Variants in AOAH observed in about 807,000 individuals in gnomAD.
AOAH encodes the protein acyloxyacyl hydrolase, also known as acyloxyacyl hydrolase (neutrophil).
AOAH carries 64 observed loss-of-function variants against 92.2 expected under a neutral mutation model. That is an observed-to-expected ratio of 0.69 (90% confidence interval 0.57 to 0.86). The LOEUF (loss-of-function observed/expected upper bound fraction) is 0.86. Ranked by LOEUF, AOAH falls within the 40% of genes least tolerant of loss-of-function variation. The pLI, the probability that AOAH is intolerant of heterozygous loss-of-function variation, is 0.00. For synonymous variants in AOAH, 263 were observed against 254.5 expected, an observed-to-expected ratio of 1.03 and a Z score of -0.32; for missense variants, 656 against 694.6, an observed-to-expected ratio of 0.94 and a Z score of 0.62.
At chr7:36,691,922 G>A (rs1044894412) in intron 1 of AOAH, among the ~76,000 whole-genome samples, 6 of 152,100 alleles carry the variant, frequency 3.9e-5, no homozygotes, top group East Asian at 1.9e-4. Context: ...GCCCCATGAC[G>A]GAAAACCGAG....
chr7:36,548,818 T>G, intron 14 of AOAH, 132 bp from the exon 15 acceptor site: 1 of 681,296 alleles, frequency 1.5e-6, no homozygotes, highest in Non-Finnish European at 2.6e-6. Context: ...TATTTTTCTT[T>G]CATTCTAGTA....
At chr7:36,562,010 A>T (rs1484023106) in intron 13 of AOAH, among the ~76,000 whole-genome samples, 1 of 152,120 alleles carries the variant, frequency 6.6e-6, no homozygotes, top group Non-Finnish European at 1.5e-5. Flanking sequence ...CTTTACCCAA[A>T]TGTCTATTTT....
intron 11 of AOAH, among the ~76,000 whole-genome samples, chr7:36,609,970 C>T (rs1203537070): frequency 6.6e-6 from 1 of 151,984 alleles, no homozygotes; most frequent in Non-Finnish European, 1.5e-5. Context: ...CACGAAAAAC[C>T]AGACAATGGA....
intron 9 of AOAH, among the ~76,000 whole-genome samples, chr7:36,618,952 C>A (rs578207324): frequency 4.1e-4 from 63 of 152,244 alleles, no homozygotes; most frequent in Non-Finnish European, 7.2e-4. Flanking sequence ...GATTAAGAAA[C>A]CTGGAAGTAA....
At chr7:36,644,162 C>G (rs1315238200) in intron 4 of AOAH, among the ~76,000 whole-genome samples, 1 of 152,130 alleles carries the variant, frequency 6.6e-6, no homozygotes, top group Non-Finnish European at 1.5e-5. Flanking sequence ...GTAGTAGTTG[C>G]TATTCTCCCT....
At chr7:36,707,105 C>A (rs1328905660) in intron 1 of AOAH, among the ~76,000 whole-genome samples, 2 of 151,064 alleles carry the variant, frequency 1.3e-5, no homozygotes, top group Non-Finnish European at 2.9e-5. Flanking sequence ...TTAGACATGC[C>A]TCCTCACTAA....
intron 1 of AOAH, among the ~76,000 whole-genome samples, chr7:36,694,956 G>A (rs1797625653): frequency 6.6e-6 from 1 of 151,810 alleles, no homozygotes; most frequent in Non-Finnish European, 1.5e-5. Context: ...GAAAGAGAGA[G>A]AGAAATAATT....
At chr7:36,595,595 C>A (rs564673512) in intron 11 of AOAH, among the ~76,000 whole-genome samples, 3 of 152,254 alleles carry the variant, frequency 2.0e-5, no homozygotes, top group Non-Finnish European at 4.4e-5. Context: ...GAATTTCAGG[C>A]AAACAAGGAA....
At chr7:36,571,723 T>G (rs537352562) in intron 13 of AOAH, among the ~76,000 whole-genome samples, 59 of 152,302 alleles carry the variant, frequency 3.9e-4, no homozygotes, top group African/African-American at 1.4e-3. Context: ...TGCCCCCAGC[T>G]ACCCTCCTGC....
chr7:36,644,744 C>A (rs375146396), intron 4 of AOAH, among the ~76,000 whole-genome samples: 2 of 152,156 alleles, frequency 1.3e-5, no homozygotes, highest in East Asian at 3.9e-4. Context: ...TGATCAAGTT[C>A]TCTGTTATCA....
chr7:36,522,871 A>G (rs1216057424), intron 19 of AOAH, among the ~76,000 whole-genome samples: 4 of 152,158 alleles, frequency 2.6e-5, no homozygotes, highest in African/African-American at 9.7e-5. Context: ...GGCAGGCACA[A>G]CTAAGATTCC....
intron 1 of AOAH, among the ~76,000 whole-genome samples, chr7:36,703,366 G>A (rs542173758): frequency 1.1e-4 from 17 of 152,130 alleles, no homozygotes; most frequent in African/African-American, 4.1e-4. Context: ...AGTGCCTATG[G>A]CAGCTATAAC....
At chr7:36,551,276 G>A (rs1188272356) in intron 13 of AOAH, among the ~76,000 whole-genome samples, 1 of 152,060 alleles carries the variant, frequency 6.6e-6, no homozygotes, top group African/African-American at 2.4e-5. Context: ...GTTTCACCAT[G>A]TTGGTCAGGC....
rs1318640373 is a variant in AOAH at position 36,638,218 on chromosome 7, A to G, written c.391-308T>C. Reference sequence around the variant, plus strand: ...AGATGCAGAAAAGCTAAGAGATCTCATAGGGTCTGGCAGAGAGGCAATCTG... The same window carrying G: ...AGATGCAGAAAAGCTAAGAGATCTCGTAGGGTCTGGCAGAGAGGCAATCTG... On this transcript the variant is annotated intron_variant, in intron 4 of 20. Coordinates refer to ENST00000617537, the MANE Select transcript of AOAH (RefSeq NM_001637.4). Among the ~76,000 whole-genome samples, 3 of 152,238 alleles carry G rather than the reference A, an allele frequency of 2.0e-5. No homozygotes were observed. In the East Asian group the frequency reaches 5.8e-4, roughly 29 times the overall value.
At chr7:36,611,377 T>C (rs934651524) in intron 11 of AOAH, among the ~76,000 whole-genome samples, 9 of 152,132 alleles carry the variant, frequency 5.9e-5, no homozygotes, top group Admixed American at 3.3e-4. Flanking sequence ...CTCAAAACAA[T>C]TTACTGCCAA....
chr7:36,639,053 T>G (rs149158858), intron 4 of AOAH, among the ~76,000 whole-genome samples: 1 of 152,308 alleles, frequency 6.6e-6, no homozygotes, highest in Non-Finnish European at 1.5e-5. Flanking sequence ...GCACCCAGTA[T>G]CCATTCTGAT....
chr7:36,683,929 G>C (rs1796806508), intron 2 of AOAH, among the ~76,000 whole-genome samples: 1 of 151,944 alleles, frequency 6.6e-6, no homozygotes, highest in African/African-American at 2.4e-5. Context: ...GGGTGGGAGA[G>C]GTTGCAGTGA....
chr7:36,568,441 GT>G (rs1381980018), intron 13 of AOAH, among the ~76,000 whole-genome samples: 1 of 152,168 alleles, frequency 6.6e-6, no homozygotes. Context: ...CCAGGGCCTG[GT>G]CAACTCTCTG....
rs774451026 is a variant in AOAH at position 36,513,179 on chromosome 7, T to G, written c.*73A>C. ...TGGGCCTGTGACGTGGCAGCCCCCA[T>G]AGGGTTTGTGGAATGAGTTTACCCA... On this transcript the variant is annotated 3_prime_UTR_variant, in exon 21 of 21. Coordinates refer to ENST00000617537, the MANE Select transcript of AOAH (RefSeq NM_001637.4). The G allele has an allele frequency of 3.1e-6, 5 of 1,613,878 alleles. No homozygotes were observed.
Sources: allele counts gnomAD v4.1 joint callset (sites outside exome capture counted in the v4.1 genomes callset), GRCh38; gene constraint gnomAD v4.1.1; transcripts MANE v1.5; gene names NCBI Gene and HGNC (gene_info 2026-07-23, HGNC 2026-07-21).